The following ZNF385D variants were observed in gnomAD, a reference collection of about 807,000 sequenced individuals.
ZNF385D encodes the protein zinc finger protein 659.
ZNF385D carries 15 observed loss-of-function variants against 35.8 expected under a neutral mutation model. The ratio of observed to expected loss-of-function variants is 0.42; its 90% confidence interval spans 0.28 to 0.64. The LOEUF (loss-of-function observed/expected upper bound fraction) is 0.64, where lower values mean the gene tolerates loss of function less well. Ranked by LOEUF, ZNF385D falls within the 30% of genes least tolerant of loss-of-function variation. The pLI is 0.23. For synonymous variants in ZNF385D, 212 were observed against 186.8 expected (o/e 1.13, Z -1.10); for missense variants, 474 against 494.6 (o/e 0.96, Z 0.39).
chr3:21,693,514 T>C (rs1361536566), intron 1 of ZNF385D, among the ~76,000 whole-genome samples: 1 of 152,232 alleles, frequency 6.6e-6, no homozygotes, highest in Admixed American at 6.5e-5. Context: ...ACACCAAAGC[T>C]TGGCAAAGCT....
intron 2 of ZNF385D, among the ~76,000 whole-genome samples, chr3:22,292,623 A>T (rs1173489550): frequency 1.3e-5 from 2 of 152,110 alleles, no homozygotes; most frequent in African/African-American, 4.8e-5. Context: ...GGCTAATTTA[A>T]AGATCTACAG....
chr3:21,924,591 G>T (rs1389644318), intron 3 of ZNF385D, among the ~76,000 whole-genome samples: 1 of 152,074 alleles, frequency 6.6e-6, no homozygotes, highest in Admixed American at 6.5e-5. Flanking sequence ...TCTATTACAA[G>T]CAATCCTTGT....
At chr3:21,627,034 T>C (rs543460553) in intron 2 of ZNF385D, among the ~76,000 whole-genome samples, 9 of 151,758 alleles carry the variant, frequency 5.9e-5, no homozygotes, top group African/African-American at 2.2e-4. Flanking sequence ...AACTTTTTTT[T>C]GGACAATTTA....
At chr3:21,698,558 G>T (rs2067553904) in intron 1 of ZNF385D, among the ~76,000 whole-genome samples, 1 of 151,942 alleles carries the variant, frequency 6.6e-6, no homozygotes, top group Non-Finnish European at 1.5e-5. Flanking sequence ...TCACCATTAT[G>T]CAATATATCC....
At chr3:21,625,912 C>T (rs1017671575) in intron 2 of ZNF385D, among the ~76,000 whole-genome samples, 1 of 152,070 alleles carries the variant, frequency 6.6e-6, no homozygotes, top group Non-Finnish European at 1.5e-5. Context: ...CAAATTACCC[C>T]TCCTTTCAGG....
At chr3:22,145,010 ATGTGTGTGTGTGTGTG>A (rs36060381) in intron 3 of ZNF385D, among the ~76,000 whole-genome samples, 1 of 148,930 alleles carries the variant, frequency 6.7e-6, no homozygotes, top group African/African-American at 2.5e-5. Flanking sequence ...GAAGATACAT[ATGTGTGTGTGTGTGTG>A]TGTGTGTGTG....
chr3:22,225,165 T>G (rs1698478966), intron 2 of ZNF385D, among the ~76,000 whole-genome samples: 1 of 152,186 alleles, frequency 6.6e-6, no homozygotes, highest in South Asian at 2.1e-4. Flanking sequence ...CCTTCTTATA[T>G]TCAAAAATAA....
At chr3:22,158,124 T>C (rs1245911387) in intron 3 of ZNF385D, among the ~76,000 whole-genome samples, 1 of 152,104 alleles carries the variant, frequency 6.6e-6, no homozygotes, top group Non-Finnish European at 1.5e-5. Context: ...CTTGATCTCA[T>C]CAGGACATTC....
chr3:21,982,595 C>G (rs1156571784), intron 3 of ZNF385D, among the ~76,000 whole-genome samples: 4 of 152,116 alleles, frequency 2.6e-5, no homozygotes, highest in Admixed American at 1.3e-4. Flanking sequence ...TGCCTGTTTG[C>G]TCTGGTTAGG....
At chr3:22,174,723 C>T (rs919297528) in intron 2 of ZNF385D, among the ~76,000 whole-genome samples, 3 of 151,992 alleles carry the variant, frequency 2.0e-5, no homozygotes, top group Admixed American at 2.0e-4. Flanking sequence ...TCTAGAGATA[C>T]TTCATGGCGA....
At chr3:21,559,456 ATTCTT>A (rs370535238) in intron 3 of ZNF385D, among the ~76,000 whole-genome samples, 1,749 of 152,272 alleles carry the variant, frequency 0.011, 31 homozygotes, top group African/African-American at 0.04. Context: ...TGGGTTGAAC[ATTCTT>A]TTCTTTAAGA....
At chr3:22,286,776 A>C (rs1020355100) in intron 2 of ZNF385D, among the ~76,000 whole-genome samples, 2 of 152,086 alleles carry the variant, frequency 1.3e-5, no homozygotes, top group African/African-American at 4.8e-5. Context: ...ATATGTTGAG[A>C]CTTGTTTTGT....
chr3:21,719,217 C>T (rs1357646101), intron 1 of ZNF385D, among the ~76,000 whole-genome samples: 1 of 152,180 alleles, frequency 6.6e-6, no homozygotes, highest in Non-Finnish European at 1.5e-5. Context: ...GATACCACCC[C>T]ACACCTCCTC....
chr3:21,483,941 T>A (rs1480987509), intron 4 of ZNF385D, among the ~76,000 whole-genome samples: 1 of 152,158 alleles, frequency 6.6e-6, no homozygotes, highest in African/African-American at 2.4e-5. Flanking sequence ...TTACGGATCA[T>A]GCTATTGGCA....
chr3:21,859,226 C>T (rs995268275), intron 3 of ZNF385D, among the ~76,000 whole-genome samples: 3 of 151,958 alleles, frequency 2.0e-5, no homozygotes, highest in Non-Finnish European at 2.9e-5. Context: ...ATGGTGAAAG[C>T]TCAAAGAACG....
chr3:21,531,799 C>G (rs1387325087), intron 3 of ZNF385D, among the ~76,000 whole-genome samples: 3 of 152,176 alleles, frequency 2.0e-5, no homozygotes, highest in Non-Finnish European at 4.4e-5. Flanking sequence ...TGAAGCTATT[C>G]TGTATAATAT....
At chr3:21,917,499 C>T (rs17010120) in intron 3 of ZNF385D, among the ~76,000 whole-genome samples, 1 of 151,930 alleles carries the variant, frequency 6.6e-6, no homozygotes, top group Non-Finnish European at 1.5e-5. Flanking sequence ...AGATGAAGGA[C>T]TTGTATCAAG....
At chr3:22,192,883 C>A (rs1232307852) in intron 2 of ZNF385D, among the ~76,000 whole-genome samples, 1 of 152,142 alleles carries the variant, frequency 6.6e-6, no homozygotes, top group Non-Finnish European at 1.5e-5. Flanking sequence ...TCTTAAATAA[C>A]TCTGCTAGGT....
intron 2 of ZNF385D, among the ~76,000 whole-genome samples, chr3:22,275,638 G>A (rs1302248549): frequency 6.6e-6 from 1 of 152,026 alleles, no homozygotes; most frequent in Non-Finnish European, 1.5e-5. Context: ...ATGAATATTT[G>A]GCATTTGGAA....
Sources: gnomAD v4.1 joint callset for allele counts (sites outside exome capture counted in the v4.1 genomes callset) on GRCh38, gnomAD v4.1.1 for gene constraint, MANE v1.5 for transcripts, NCBI Gene and HGNC (gene_info 2026-07-23, HGNC 2026-07-21) for gene names.